The following MACROD2 variants were observed in gnomAD, a reference collection of about 807,000 sequenced individuals.
The protein encoded by MACROD2 is ADP-ribose glycohydrolase MACROD2.
MACROD2 carries 36 observed loss-of-function variants against 70.4 expected under a neutral mutation model. The ratio of observed to expected loss-of-function variants is 0.51; its 90% CI spans 0.39 to 0.68. MACROD2 has a LOEUF of 0.68. Ranked by LOEUF, MACROD2 falls within the 30% of genes least tolerant of loss-of-function variation. MACROD2 has a pLI of 0.00. For synonymous variants in MACROD2, 172 were observed against 178.8 expected (o/e 0.96, Z 0.30); for missense variants, 496 against 538.4 (o/e 0.92, Z 0.78).
At chr20:14,431,419 A>G (rs1309734879) in intron 3 of MACROD2, among the ~76,000 whole-genome samples, 1 of 152,168 alleles carries the variant, frequency 6.6e-6, no homozygotes, top group Non-Finnish European at 1.5e-5. Context: ...ATAAGTTGAG[A>G]TAATTCTTTA....
At chr20:14,620,112 T>G (rs1411481887) in intron 4 of MACROD2, among the ~76,000 whole-genome samples, 11 of 152,184 alleles carry the variant, frequency 7.2e-5, no homozygotes, top group Non-Finnish European at 1.5e-5. Context: ...TCTATTCTGG[T>G]TCTCTTCTTC....
chr20:14,793,322 AGACCC>A (rs1412887109), intron 5 of MACROD2, among the ~76,000 whole-genome samples: 1 of 152,100 alleles, frequency 6.6e-6, no homozygotes, highest in East Asian at 1.9e-4. Flanking sequence ...AGTATCAATA[AGACCC>A]GGACTGTGTC....
chr20:15,506,497 T>C (rs145547145), intron 8 of MACROD2, among the ~76,000 whole-genome samples: 1,782 of 152,298 alleles, frequency 0.012, 35 homozygotes, highest in African/African-American at 0.041. Flanking sequence ...AAGACTATTT[T>C]TCCCCCTTCT....
intron 6 of MACROD2, among the ~76,000 whole-genome samples, chr20:15,334,496 G>C (rs1386950518): frequency 6.6e-6 from 1 of 151,320 alleles, no homozygotes. Context: ...TTATCTTCTT[G>C]GATCAATTTT....
intron 5 of MACROD2, among the ~76,000 whole-genome samples, chr20:15,082,412 C>T (rs2075711030): frequency 1.3e-5 from 2 of 151,976 alleles, no homozygotes; most frequent in Non-Finnish European, 2.9e-5. Flanking sequence ...TGGATTGTGG[C>T]CATTGGTAAT....
chr20:15,320,509 G>C (rs1356791533), intron 6 of MACROD2, among the ~76,000 whole-genome samples: 1 of 152,192 alleles, frequency 6.6e-6, no homozygotes, highest in Non-Finnish European at 1.5e-5. Flanking sequence ...GATTCTTAGA[G>C]TCTGACAGAC....
At chr20:14,845,977 T>G (rs1006895053) in intron 5 of MACROD2, among the ~76,000 whole-genome samples, 1 of 152,154 alleles carries the variant, frequency 6.6e-6, no homozygotes. Context: ...TTTTGTTTTT[T>G]TGAGTCTAAG....
chr20:14,016,427 T>C (rs1276631449), intron 2 of MACROD2, among the ~76,000 whole-genome samples: 2 of 152,122 alleles, frequency 1.3e-5, no homozygotes, highest in Non-Finnish European at 2.9e-5. Context: ...AAGTCCAGTT[T>C]ATCTGTTTTT....
chr20:14,365,954 T>G (rs1417272570), intron 3 of MACROD2, among the ~76,000 whole-genome samples: 1 of 152,232 alleles, frequency 6.6e-6, no homozygotes, highest in African/African-American at 2.4e-5. Context: ...TTTATTGTGG[T>G]TGAGGAAGAT....
At chr20:14,470,747 C>T (rs568085359) in intron 3 of MACROD2, among the ~76,000 whole-genome samples, 4 of 152,220 alleles carry the variant, frequency 2.6e-5, no homozygotes, top group South Asian at 2.1e-4. Flanking sequence ...CCTACTCAAG[C>T]GTCAGTAATG....
intron 2 of MACROD2, among the ~76,000 whole-genome samples, chr20:14,063,506 C>G (rs1006627082): frequency 9.9e-5 from 15 of 152,110 alleles, no homozygotes; most frequent in Non-Finnish European, 1.8e-4. Context: ...AATTCAAACT[C>G]CAAAATATGA....
At chr20:14,707,548 A>C (rs1434695459) in intron 5 of MACROD2, among the ~76,000 whole-genome samples, 1 of 152,138 alleles carries the variant, frequency 6.6e-6, no homozygotes, top group Admixed American at 6.5e-5. Flanking sequence ...GAGACCTCCC[A>C]GTGCTGTAGA....
At chr20:14,213,132 T>G (rs2081584140) in intron 3 of MACROD2, among the ~76,000 whole-genome samples, 1 of 151,892 alleles carries the variant, frequency 6.6e-6, no homozygotes, top group African/African-American at 2.4e-5. Context: ...TATTTAGCAC[T>G]GTAATATTTA....
intron 5 of MACROD2, among the ~76,000 whole-genome samples, chr20:15,002,842 G>A (rs2075006737): frequency 6.6e-6 from 1 of 152,034 alleles, no homozygotes; most frequent in South Asian, 2.1e-4. Context: ...GCCCACTATT[G>A]TCAAATCTTG....
intron 3 of MACROD2, among the ~76,000 whole-genome samples, chr20:14,277,705 A>G (rs572182135): frequency 2.6e-5 from 4 of 152,220 alleles, no homozygotes; most frequent in African/African-American, 9.6e-5. Flanking sequence ...CTTAAAAAAA[A>G]AGAGAGAGTG....
At chr20:15,282,291 C>A (rs994207970) in intron 6 of MACROD2, among the ~76,000 whole-genome samples, 3 of 152,224 alleles carry the variant, frequency 2.0e-5, no homozygotes, top group Admixed American at 6.5e-5. Flanking sequence ...ATGCAAATTT[C>A]TGCAGCCAAC....
At chr20:15,659,803 G>T (rs1382965815) in intron 8 of MACROD2, among the ~76,000 whole-genome samples, 1 of 152,126 alleles carries the variant, frequency 6.6e-6, no homozygotes, top group Non-Finnish European at 1.5e-5. Flanking sequence ...CTTTTGTGCT[G>T]AATCAAAATG....
At chr20:14,816,931 C>T (rs1435295563) in intron 5 of MACROD2, among the ~76,000 whole-genome samples, 1 of 151,840 alleles carries the variant, frequency 6.6e-6, no homozygotes, top group African/African-American at 2.4e-5. Context: ...TACATAGAAT[C>T]GAAATAAAAC....
chr20:15,553,411 A>G lies in MACROD2; in HGVS notation c.645+53564A>G, dbSNP rs576423221. Among the ~76,000 whole-genome samples the G allele has an allele frequency of 2.6e-5, 4 of 152,242 alleles. No homozygotes were observed. The South Asian group carries it at 8.3e-4, about 32-fold the overall frequency. On this transcript the variant is annotated intron_variant, in intron 8 of 17. Transcript: ENST00000684519. Reference sequence around the variant, plus strand: ...CAACATCTAGCACAAAACCTGGCATATGATGGGTATTTGTTTGTTTATTTG... The same window carrying G: ...CAACATCTAGCACAAAACCTGGCATGTGATGGGTATTTGTTTGTTTATTTG...
Sources: gnomAD v4.1 joint callset for allele counts (sites outside exome capture counted in the v4.1 genomes callset) on GRCh38, gnomAD v4.1.1 for gene constraint, MANE v1.5 for transcripts, NCBI Gene and HGNC (gene_info 2026-07-23, HGNC 2026-07-21) for gene names.